Variants in WDR7 observed in about 807,000 individuals in gnomAD.
WDR7 encodes the protein WD repeat-containing protein 7.
WDR7 carries 46 observed loss-of-function variants against 169.4 expected under a neutral mutation model. The observed-to-expected ratio is 0.27, with a 90% CI of 0.21 to 0.35. WDR7 has a LOEUF of 0.35. WDR7 is among the 10% of genes least tolerant of loss of function. The pLI, the probability that WDR7 is intolerant of heterozygous loss-of-function variation, is 1.00. For synonymous variants in WDR7, 612 were observed against 666.8 expected (o/e 0.92, Z 1.27); for missense variants, 1,534 against 1,859.3 (o/e 0.83, Z 3.22).
At chr18:56,659,938 G>T (rs1200893146) in intron 1 of WDR7, among the ~76,000 whole-genome samples, 2 of 152,108 alleles carry the variant, frequency 1.3e-5, no homozygotes, top group African/African-American at 4.8e-5. Flanking sequence ...ACCAGTTAGA[G>T]GGCTGTTGTG....
At chr18:56,695,853 A>G (rs1329420072) in intron 11 of WDR7, among the ~76,000 whole-genome samples, 1 of 152,176 alleles carries the variant, frequency 6.6e-6, no homozygotes, top group Admixed American at 6.5e-5. Flanking sequence ...GTAATTTCCT[A>G]ATAGCTGTGT....
intron 2 of WDR7, among the ~76,000 whole-genome samples, chr18:56,675,312 A>G (rs1254577606): frequency 1.3e-5 from 2 of 152,100 alleles, no homozygotes; most frequent in African/African-American, 4.8e-5. Flanking sequence ...GAGTACTGCT[A>G]TTTTAACCAT....
Position 57,027,167 on chromosome 18 carries a change from T to A in WDR7, c.4433T>A (p.Leu1478His). The stretch of plus-strand genomic sequence containing the variant: ...TGGACTTCCAACCGCAACGTCATCC[T>A]CATGGCCCATGACGGGAAGGAGCAC... ...LIWTSNRNVI[L>H]MAHDGKEHRF... Residue 1478 changes from leucine (L) to histidine (H), a missense_variant, in exon 28 of 28, where the codon CTC becomes CAC. Coordinates refer to ENST00000254442, the MANE Select transcript of WDR7 (RefSeq NM_015285.3). 1 of 1,614,086 alleles carries A rather than the reference T, an allele frequency of 6.2e-7. No individual in the cohort carries two copies. The highest frequency in any genetic ancestry group is 8.5e-7 in the Non-Finnish European group (1 of 1,179,994).
chr18:56,798,838 C>T (rs1468757279), intron 19 of WDR7, among the ~76,000 whole-genome samples: 1 of 152,088 alleles, frequency 6.6e-6, no homozygotes, highest in Non-Finnish European at 1.5e-5. Context: ...GTCAAAATTT[C>T]ATTTATAAAC....
chr18:56,777,916 G>A (rs2044264356), intron 17 of WDR7, among the ~76,000 whole-genome samples: 1 of 152,032 alleles, frequency 6.6e-6, no homozygotes, highest in African/African-American at 2.4e-5. Flanking sequence ...AAATAATTTG[G>A]GTCATATTTG....
chr18:56,913,467 T>C (rs2046580376), intron 21 of WDR7, among the ~76,000 whole-genome samples: 1 of 152,044 alleles, frequency 6.6e-6, no homozygotes, highest in African/African-American at 2.4e-5. Context: ...TCCTGTCCAC[T>C]CTATCTTTAA....
Position 57,001,987 on chromosome 18 carries a change from CAA to C in WDR7, c.4165-18754_4165-18753del, listed in dbSNP as rs906614071. On this transcript the variant is annotated intron_variant, in intron 26 of 27. Transcript: ENST00000254442. ...TTAACCATGTTAAATAAAGGAAAAG[CAA>C]AAATACCCATGATTAGAGCAGTCAT... Among the ~76,000 whole-genome samples, 43 of 152,206 alleles carry C rather than the reference CAA, an allele frequency of 2.8e-4. 1 individual carries two copies. The highest frequency in any genetic ancestry group is 9.4e-4 in the African/African-American group (39 of 41,530).
chr18:56,892,885 C>T (rs8085095), intron 21 of WDR7, among the ~76,000 whole-genome samples: 123,417 of 151,918 alleles, frequency 0.81, 50,567 homozygotes, highest in East Asian at 0.98. Context: ...ATCATCAAGA[C>T]AGGGTCTGTA....
At chr18:56,790,558 G>T (rs77952875) in intron 19 of WDR7, among the ~76,000 whole-genome samples, 7,855 of 152,012 alleles carry the variant, frequency 0.052, 282 homozygotes, top group East Asian at 0.19. Flanking sequence ...GATAGATTTT[G>T]TTCTAGTATT....
At chr18:56,659,399 T>C (rs943966428) in intron 1 of WDR7, among the ~76,000 whole-genome samples, 6 of 152,208 alleles carry the variant, frequency 3.9e-5, no homozygotes, top group Non-Finnish European at 8.8e-5. Flanking sequence ...GTATTTGGAT[T>C]CCTTCTATGT....
At chr18:56,687,198 A>C (rs2025460210) in intron 7 of WDR7, among the ~76,000 whole-genome samples, 1 of 152,120 alleles carries the variant, frequency 6.6e-6, no homozygotes, top group Non-Finnish European at 1.5e-5. Flanking sequence ...ACTGTATTTC[A>C]TTGGTCTTAA....
At chr18:56,880,279 G>A (rs574528505) in intron 21 of WDR7, 114 bp downstream of exon 21, 45 of 1,025,392 alleles carry the variant, frequency 4.4e-5, no homozygotes, top group African/African-American at 2.6e-4. Flanking sequence ...GATTGCTTGC[G>A]TGAAGTTAGA....
At chr18:56,688,722 C>A (rs2025499926) in intron 7 of WDR7, among the ~76,000 whole-genome samples, 1 of 151,510 alleles carries the variant, frequency 6.6e-6, no homozygotes, top group Non-Finnish European at 1.5e-5. Context: ...GAGCAAGACT[C>A]TGTCTTGGGG....
In WDR7 at chr18:56,838,016, C is replaced by G. The variant is rs186049623; in HGVS notation, c.3304+21872C>G. Among the ~76,000 whole-genome samples, 167 of 152,292 alleles carry G rather than the reference C, an allele frequency of 1.1e-3. 6 individuals carry two copies. Among genetic ancestry groups the G allele is most frequent in the Admixed American group, 0.011 (165 of 15,302 alleles). On this transcript the variant is annotated intron_variant, in intron 20 of 27. Transcript: ENST00000254442. ...TATAAAATGAAGGACTAGTACATTT[C>G]TATTTAGACAGAATTCTGAGATATT...
intron 1 of WDR7, among the ~76,000 whole-genome samples, chr18:56,654,318 G>C (rs1217539196): frequency 6.6e-6 from 1 of 152,162 alleles, no homozygotes; most frequent in Non-Finnish European, 1.5e-5. Context: ...TTTTAGAAGA[G>C]ACGGAGTTTC....
chr18:56,841,043 A>T (rs1423450864), intron 20 of WDR7, among the ~76,000 whole-genome samples: 1 of 151,720 alleles, frequency 6.6e-6, no homozygotes, highest in African/African-American at 2.4e-5. Context: ...ATACAAAAAA[A>T]TTAGCTAGGC....
chr18:56,754,263 GTGTGTGTGTGTGTGTGTGTGTGTATA>G (rs1341317676), intron 14 of WDR7, among the ~76,000 whole-genome samples: 42 of 148,904 alleles, frequency 2.8e-4, no homozygotes, highest in African/African-American at 1.1e-3. Flanking sequence ...GTGTGTGTGT[GTGTGTGTGTGTGTGTGTGTGTGTATA>G]TGTGTGTGTG....
intron 12 of WDR7, among the ~76,000 whole-genome samples, chr18:56,713,499 T>A (rs941726885): frequency 9.2e-5 from 14 of 152,176 alleles, no homozygotes; most frequent in African/African-American, 3.4e-4. Context: ...AATGCATGTG[T>A]AATAGGAATA....
chr18:56,985,973 T>G (rs1325120910), intron 26 of WDR7, among the ~76,000 whole-genome samples: 1 of 152,190 alleles, frequency 6.6e-6, no homozygotes, highest in Non-Finnish European at 1.5e-5. Context: ...TGGACATTTT[T>G]ATAGGAAAGA....
Sources: gnomAD v4.1 joint callset for allele counts (sites outside exome capture counted in the v4.1 genomes callset) on GRCh38, gnomAD v4.1.1 for gene constraint, MANE v1.5 for transcripts, NCBI Gene and HGNC (gene_info 2026-07-23, HGNC 2026-07-21) for gene names.